Variants in RSPO2 observed in about 807,000 individuals in gnomAD.
The protein encoded by RSPO2 is R-spondin-2.
Under a neutral mutation model 30.9 loss-of-function variants are expected in RSPO2, and 14 were observed. The observed-to-expected ratio is 0.45, with a 90% confidence interval of 0.30 to 0.71. The LOEUF is 0.71. RSPO2 is among the 30% of genes least tolerant of loss of function. The probability of loss-of-function intolerance (pLI) is 0.08; values close to 1 mark genes in which losing one functional copy is unlikely to be tolerated. For missense variants in RSPO2, 264 were observed against 301.9 expected, an observed-to-expected ratio of 0.87 and a Z score of 0.93; for synonymous variants, 107 against 96.4, an observed-to-expected ratio of 1.11 and a Z score of -0.64.
intron 2 of RSPO2, among the ~76,000 whole-genome samples, chr8:108,022,847 C>T (rs1441961657): frequency 6.6e-6 from 1 of 151,692 alleles, no homozygotes; most frequent in African/African-American, 2.4e-5. Context: ...ATCATTTGAA[C>T]CCATGAGGCA....
intron 2 of RSPO2, among the ~76,000 whole-genome samples, chr8:107,999,222 T>C (rs1023747301): frequency 1.3e-5 from 2 of 152,100 alleles, no homozygotes; most frequent in African/African-American, 4.8e-5. Flanking sequence ...ATAAATCATA[T>C]CAATTAGGAA....
chr8:107,941,886 A>G (rs916498127), intron 5 of RSPO2, among the ~76,000 whole-genome samples: 1 of 151,996 alleles, frequency 6.6e-6, no homozygotes, highest in Non-Finnish European at 1.5e-5. Context: ...AAAGATTTGA[A>G]TTAGGTTCTA....
intron 5 of RSPO2, among the ~76,000 whole-genome samples, chr8:107,930,103 C>A (rs485608): frequency 6.6e-6 from 1 of 151,934 alleles, no homozygotes; most frequent in Non-Finnish European, 1.5e-5. Flanking sequence ...CATTAATATG[C>A]GCCCATGTAC....
At chr8:108,060,622 C>A (rs1400959043) in intron 2 of RSPO2, among the ~76,000 whole-genome samples, 1 of 151,726 alleles carries the variant, frequency 6.6e-6, no homozygotes, top group Non-Finnish European at 1.5e-5. Context: ...AGGATATTAT[C>A]CAGGAGAACT....
Position 107,900,999 on chromosome 8 carries a change from G to A in RSPO2, c.*76C>T. The stretch of plus-strand genomic sequence containing the variant: ...AGAGCAGCACAAAGGCTGCACACCA[G>A]TGTGCAGGAGTGGAGAGTAGCTTTG... On this transcript the variant is annotated 3_prime_UTR_variant, in exon 6 of 6. Transcript: ENST00000276659. The A allele has an allele frequency of 6.7e-7, 1 of 1,495,926 alleles. No homozygotes were observed. The highest frequency in any genetic ancestry group is 9.2e-7 in the Non-Finnish European group (1 of 1,092,186). 92.7% of individuals were successfully genotyped at this position (1,495,926 alleles called of 1,614,324 possible). A position where few individuals can be genotyped will look rare whatever the true frequency, so the allele number is the denominator to read the frequency against.
intron 1 of RSPO2, 116 bp from the exon 2 acceptor site, chr8:108,082,923 C>G: frequency 2.5e-6 from 1 of 401,020 alleles, no homozygotes; most frequent in Non-Finnish European, 4.4e-6. Flanking sequence ...AGCGAACCCA[C>G]TGCCTAGCAC....
intron 2 of RSPO2, among the ~76,000 whole-genome samples, chr8:108,013,972 A>G (rs1041558393): frequency 6.6e-6 from 1 of 152,230 alleles, no homozygotes; most frequent in African/African-American, 2.4e-5. Flanking sequence ...GCTAATATCC[A>G]GAATCTACAA....
intron 3 of RSPO2, chr8:107,984,060 C>G (rs1814542986): frequency 1.9e-6 from 1 of 537,538 alleles, no homozygotes; most frequent in South Asian, 3.1e-5. Flanking sequence ...ATAGAAGGGT[C>G]ATCCCGGAAA....
chr8:108,034,623 T>C (rs1471474553), intron 2 of RSPO2, among the ~76,000 whole-genome samples: 2 of 152,228 alleles, frequency 1.3e-5, no homozygotes, highest in Non-Finnish European at 2.9e-5. Context: ...AAATATTTCA[T>C]AATAAAATTC....
At position 107,939,541 on chromosome 8, in the gene RSPO2, G is replaced by A. The variant is rs151257636; in HGVS notation, c.616+18539C>T. On this transcript the variant is annotated intron_variant, in intron 5 of 5. Transcript: ENST00000276659. The stretch of plus-strand genomic sequence containing the variant: ...CTACTGTGCTTTTGACTCTGGTTCT[G>A]CTGTTCAATAACTTAAAAATGAAGA... 3.4e-3 allele frequency among the ~76,000 whole-genome samples: 485 copies of A among 141,060 alleles called. 4 individuals carry two copies. The highest frequency in any genetic ancestry group is 8.2e-3 in the Admixed American group (115 of 14,092). The allele number at this position is 141,060 out of a possible 152,430, so 92.5% of individuals were successfully genotyped here.
chr8:108,016,033 G>T (rs1810879209), intron 2 of RSPO2, among the ~76,000 whole-genome samples: 1 of 152,198 alleles, frequency 6.6e-6, no homozygotes, highest in South Asian at 2.1e-4. Context: ...AGAATGGGGA[G>T]GAAATTAGGA....
chr8:107,983,554 C>T, intron 3 of RSPO2: 1 of 1,599,476 alleles, frequency 6.3e-7, no homozygotes, highest in Non-Finnish European at 8.6e-7. Context: ...TTTACTTCAG[C>T]AAAAGAGTGA....
At chr8:108,039,538 G>C (rs1011483420) in intron 2 of RSPO2, among the ~76,000 whole-genome samples, 1 of 152,040 alleles carries the variant, frequency 6.6e-6, no homozygotes, top group Non-Finnish European at 1.5e-5. Flanking sequence ...TGCTTAAAGT[G>C]TATTTTCATA....
intron 5 of RSPO2, among the ~76,000 whole-genome samples, chr8:107,927,890 A>G (rs1462630139): frequency 6.6e-6 from 1 of 152,048 alleles, no homozygotes; most frequent in Non-Finnish European, 1.5e-5. Flanking sequence ...CAGATGTGCA[A>G]CTAAGGTTTA....
chr8:108,047,857 A>G lies in RSPO2; in HGVS notation c.94+34688T>C, dbSNP rs570928012. On this transcript the variant is annotated intron_variant, in intron 2 of 5. Transcript: ENST00000276659. ...GAGAGCAAGACTCCGGCTCAGGGAGAAAAAAAAAAAAAAGCAGCAGCAGCA... is the reference window on the plus strand; with the variant it reads ...GAGAGCAAGACTCCGGCTCAGGGAGGAAAAAAAAAAAAAGCAGCAGCAGCA... Among the ~76,000 whole-genome samples the G allele has an allele frequency of 6.4e-4, 38 of 59,244 alleles. No individual in the cohort carries two copies. In the East Asian group the frequency reaches 0.012, roughly 19 times the overall value. 38.9% of individuals were successfully genotyped at this position (59,244 alleles called of 152,430 possible).
intron 3 of RSPO2, chr8:107,983,050 G>A: frequency 8.5e-7 from 1 of 1,174,584 alleles, no homozygotes; most frequent in Non-Finnish European, 1.2e-6. Context: ...ACGCTCCCCT[G>A]CAGTCCCCTC....
At chr8:107,923,541 A>C (rs997443014) in intron 5 of RSPO2, among the ~76,000 whole-genome samples, 1 of 152,160 alleles carries the variant, frequency 6.6e-6, no homozygotes, top group Non-Finnish European at 1.5e-5. Flanking sequence ...CAAAATTACC[A>C]TTCAACCCAG....
At chr8:107,970,159 T>C (rs529517432) in intron 3 of RSPO2, among the ~76,000 whole-genome samples, 1 of 152,334 alleles carries the variant, frequency 6.6e-6, no homozygotes, top group Non-Finnish European at 1.5e-5. Flanking sequence ...AAACAACTCA[T>C]GTCTGTCATA....
chr8:107,976,611 T>G (rs1388829880), intron 3 of RSPO2, among the ~76,000 whole-genome samples: 1 of 152,152 alleles, frequency 6.6e-6, no homozygotes, highest in Admixed American at 6.6e-5. Flanking sequence ...GATCTCACAG[T>G]CTCTGCTAAT....
Sources: gnomAD v4.1 joint callset for allele counts (sites outside exome capture counted in the v4.1 genomes callset) on GRCh38, gnomAD v4.1.1 for gene constraint, MANE v1.5 for transcripts, NCBI Gene and HGNC (gene_info 2026-07-23, HGNC 2026-07-21) for gene names.